MYO18A: variants seen among roughly 807,000 people sequenced by gnomAD.
MYO18A encodes the protein unconventional myosin-XVIIIa.
In MYO18A, 78 loss-of-function variants were observed where a neutral mutation model predicts 235.8. The observed-to-expected ratio is 0.33, with a 90% CI of 0.28 to 0.40. The LOEUF (loss-of-function observed/expected upper bound fraction) is 0.40. Ranked by LOEUF, MYO18A falls within the 10% of genes least tolerant of loss-of-function variation. The probability of loss-of-function intolerance (pLI) is 1.00; values close to 1 mark genes in which losing one functional copy is unlikely to be tolerated. For missense variants in MYO18A, 2,215 were observed against 2,699.3 expected (o/e 0.82, Z 3.98); for synonymous variants, 977 against 1,077.8 (o/e 0.91, Z 1.83).
intron 12 of MYO18A, 60 bp from the exon 13 acceptor site, chr17:29,115,501 C>G (rs553678766): frequency 3.2e-6 from 5 of 1,569,650 alleles, no homozygotes; most frequent in Middle Eastern, 3.6e-4. Context: ...TCTGGGTAAG[C>G]CCCTGACCTG....
intron 40 of MYO18A, among the ~76,000 whole-genome samples, chr17:29,085,045 C>T (rs1205512133): frequency 2.0e-5 from 3 of 152,256 alleles, no homozygotes; most frequent in Non-Finnish European, 2.9e-5. Flanking sequence ...TCCCTTCCCC[C>T]GCCACGGCAA....
intron 41 of MYO18A, chr17:29,075,740 A>C (rs2065958086): frequency 6.4e-6 from 1 of 155,556 alleles, no homozygotes; most frequent in South Asian, 2.1e-4. Context: ...TCTTTCTCCC[A>C]AAGCCTTGGG....
chr17:29,129,848 A>G (rs1939591630), intron 2 of MYO18A, among the ~76,000 whole-genome samples: 1 of 152,218 alleles, frequency 6.6e-6, no homozygotes, highest in Admixed American at 6.5e-5. Context: ...AGAGAGAGTA[A>G]GGGCTTGAAG....
chr17:29,135,222 T>C (rs1002427573), intron 2 of MYO18A, among the ~76,000 whole-genome samples: 1 of 151,950 alleles, frequency 6.6e-6, no homozygotes, highest in Admixed American at 6.6e-5. Flanking sequence ...TGCCTCAGCC[T>C]CCCGAGTAGC....
At chr17:29,090,689 CAG>C in intron 35 of MYO18A, 74 bp from the exon 36 acceptor site, 1 of 1,555,646 alleles carries the variant, frequency 6.4e-7, no homozygotes, top group Non-Finnish European at 8.8e-7. Context: ...GCTGGAACAC[CAG>C]GGGACCGAGG....
chr17:29,152,449 C>G (rs1456433563), intron 2 of MYO18A, among the ~76,000 whole-genome samples: 1 of 152,124 alleles, frequency 6.6e-6, no homozygotes, highest in African/African-American at 2.4e-5. Flanking sequence ...AACTTCAGAC[C>G]AGATTGGAAA....
intron 41 of MYO18A, chr17:29,075,569 T>C (rs1375118572): frequency 6.0e-6 from 1 of 166,838 alleles, no homozygotes; most frequent in East Asian, 1.9e-4. Context: ...AGCCCCTTTC[T>C]TGGTACAATA....
chr17:29,161,794 C>T (rs1039421519), intron 2 of MYO18A, among the ~76,000 whole-genome samples: 1 of 152,226 alleles, frequency 6.6e-6, no homozygotes, highest in Non-Finnish European at 1.5e-5. Flanking sequence ...TGGGCCTTGA[C>T]TTTCCCATCC....
intron 20 of MYO18A, among the ~76,000 whole-genome samples, chr17:29,105,056 C>T (rs1314386973): frequency 2.0e-5 from 3 of 151,224 alleles, no homozygotes; most frequent in Non-Finnish European, 2.9e-5. Context: ...CCTGTAGTCC[C>T]AGCTACTTGG....
chr17:29,089,525 G>A lies in MYO18A; in HGVS notation c.5526+436C>T, dbSNP rs895861739. ...AAAAAGCAGAGACAGGAGGGCAGAA[G>A]AAGTGAGGAAGAAAGGGAATGAAGC... On this transcript the variant is annotated intron_variant, in intron 37 of 41. Transcript: ENST00000527372. Among the ~76,000 whole-genome samples, 22 of 149,986 alleles carry A rather than the reference G, an allele frequency of 1.5e-4. 1 individual carries two copies. The highest frequency in any genetic ancestry group is 3.3e-4 in the Non-Finnish European group (22 of 67,684).
rs2279957 is a variant in MYO18A, at chr17:29,109,588, T to C, written c.3331+270A>G. ...GGGAAGAAAGGGAGCTGTGGACAAA[T>C]GACAAGGTGCAGGGTGGAGCTAGGA... On this transcript the variant is annotated intron_variant, in intron 19 of 41. Coordinates refer to ENST00000527372, the MANE Select transcript of MYO18A (RefSeq NM_078471.4). This position sits in a 1 kb window ranked among gnomAD's most constrained non-coding sequence, Gnocchi z 4.1. Among the ~76,000 whole-genome samples, 21,017 of 151,884 alleles carry C rather than the reference T, an allele frequency of 0.14. 1,716 individuals carry two copies. The highest frequency in any genetic ancestry group is 0.29 in the East Asian group (1,506 of 5,152).
intron 33 of MYO18A, 54 bp downstream of exon 33, chr17:29,092,801 A>G (rs957136309): frequency 1.6e-5 from 25 of 1,593,652 alleles, no homozygotes; most frequent in Non-Finnish European, 2.1e-5. Flanking sequence ...GAGAAAGAGA[A>G]TGGAAAGGTA....
chr17:29,098,526 C>A (rs545638520), intron 23 of MYO18A, 81 bp from the exon 24 acceptor site: 2 of 1,510,846 alleles, frequency 1.3e-6, no homozygotes, highest in South Asian at 1.2e-5. Flanking sequence ...CTGTAGTGAA[C>A]GAAGCTGATG....
intron 25 of MYO18A, 22 bp downstream of exon 25, chr17:29,098,083 C>G (rs1208346376): frequency 1.2e-6 from 2 of 1,610,818 alleles, no homozygotes. Context: ...GCCTGCTGTT[C>G]TCACCCAGGC....
rs1378729437 is a variant in MYO18A at position 29,109,965 on chromosome 17, G to A, written c.3224C>T (p.Pro1075Leu). Residue 1075 changes from proline (P) to leucine (L), a missense_variant, in exon 19 of 42, where the codon CCC (proline) becomes CTC (leucine). Transcript: ENST00000527372. This position sits in a 1 kb window ranked among gnomAD's most constrained non-coding sequence, Gnocchi z 4.1. ...RVSSSSELDL[P>L]SGDHCEAGLL... ...CCCAGCCTCGCAGTGGTCTCCCGAG[G>A]GCAGGTCCAGCTCACTGCTGCTGCT... 1.9e-6 allele frequency: 3 copies of A among 1,610,910 alleles called. No individual in the cohort carries two copies. The highest frequency in any genetic ancestry group is 2.7e-5 in the African/African-American group (2 of 74,888).
chr17:29,083,300 T>C (rs1190159954), intron 40 of MYO18A, among the ~76,000 whole-genome samples: 1 of 152,152 alleles, frequency 6.6e-6, no homozygotes, highest in East Asian at 1.9e-4. Context: ...AGTCCAATTC[T>C]GAGGCTGGAG....
intron 19 of MYO18A, chr17:29,107,442 G>C: frequency 4.2e-6 from 2 of 470,618 alleles, no homozygotes; most frequent in Admixed American, 3.4e-5. Flanking sequence ...GCCTCCTTCA[G>C]AGAGAAGTAA....
At chr17:29,110,405 G>T in intron 18 of MYO18A, 31 bp downstream of exon 18, 3 of 1,548,178 alleles carry the variant, frequency 1.9e-6, no homozygotes, top group Non-Finnish European at 1.7e-6. Context: ...GGGTCCCCAG[G>T]CCTGCCTGCT....
At chr17:29,084,328 C>G (rs138520044) in intron 40 of MYO18A, among the ~76,000 whole-genome samples, 2 of 152,316 alleles carry the variant, frequency 1.3e-5, no homozygotes, top group Non-Finnish European at 2.9e-5. Context: ...AGGGGACAGA[C>G]AGTTGTGGGC....
Sources: allele counts gnomAD v4.1 joint callset (sites outside exome capture counted in the v4.1 genomes callset), GRCh38; gene constraint gnomAD v4.1.1; non-coding constraint Gnocchi (gnomAD v3.1); transcripts MANE v1.5; gene names NCBI Gene and HGNC (gene_info 2026-07-23, HGNC 2026-07-21).